The following ZC3H18 variants were observed in gnomAD, a reference collection of about 807,000 sequenced individuals.
The protein encoded by ZC3H18 is zinc finger CCCH domain-containing protein 18.
ZC3H18 carries 8 observed loss-of-function variants against 106.1 expected under a neutral mutation model. The observed-to-expected ratio is 0.08, with a 90% CI of 0.04 to 0.14. The LOEUF (loss-of-function observed/expected upper bound fraction) is 0.14. Among genes scored for constraint, ZC3H18 ranks in the 10% least tolerant of loss-of-function variants. The probability of loss-of-function intolerance (pLI) is 1.00; values close to 1 mark genes in which losing one functional copy is unlikely to be tolerated. For missense variants in ZC3H18, 1,318 were observed against 1,278.4 expected, an observed-to-expected ratio of 1.03 and a Z score of -0.47; for synonymous variants, 635 against 522.1, an observed-to-expected ratio of 1.22 and a Z score of -2.95.
At position 88,596,682 on chromosome 16, in the gene ZC3H18, T is replaced by C. The variant is rs1904456490; in HGVS notation, c.689-1496T>C. The stretch of plus-strand genomic sequence containing the variant: ...AAAAGGAAAAGGAGTACAGAAAAGC[T>C]GTGGTTTCTATTGTCAGCACTTTTC... On this transcript the variant is annotated intron_variant, in intron 3 of 17. Coordinates refer to ENST00000301011, the MANE Select transcript of ZC3H18 (RefSeq NM_144604.4). Among the ~76,000 whole-genome samples, 4 of 152,110 alleles carry C rather than the reference T, an allele frequency of 2.6e-5. No homozygotes were observed. In the South Asian group the frequency reaches 8.3e-4, roughly 31 times the overall value.
intron 1 of ZC3H18, among the ~76,000 whole-genome samples, chr16:88,572,789 A>C (rs972328918): frequency 6.6e-6 from 1 of 151,568 alleles, no homozygotes; most frequent in African/African-American, 2.4e-5. Context: ...ACGGAGTCTC[A>C]CTCTGCTACC....
intron 15 of ZC3H18, 42 bp downstream of exon 15, chr16:88,628,161 G>T: frequency 1.3e-6 from 2 of 1,598,534 alleles, no homozygotes; most frequent in Non-Finnish European, 1.7e-6. Flanking sequence ...CAGCGTCTAG[G>T]CCTGGGTCCA....
chr16:88,631,434 A>G lies in ZC3H18; in HGVS notation c.*135A>G. The G allele has an allele frequency of 1.6e-6, 2 of 1,243,700 alleles. No individual in the cohort carries two copies. Among genetic ancestry groups the G allele is most frequent in the Non-Finnish European group, 2.2e-6 (2 of 898,744 alleles). The allele number at this position is 1,243,700 out of a possible 1,614,324, so 77.0% of individuals were successfully genotyped here. The stretch of plus-strand genomic sequence containing the variant: ...AAAGAAAAAAAAGTTTCTCAGCTGG[A>G]AAAGAAGCCACACAGGAAATGACAA... On this transcript the variant is annotated 3_prime_UTR_variant, in exon 18 of 18. Coordinates refer to ENST00000301011, the MANE Select transcript of ZC3H18 (RefSeq NM_144604.4).
At chr16:88,598,486 C>A (rs984441724) in intron 4 of ZC3H18, 134 bp from the exon 5 acceptor site, 16 of 1,442,360 alleles carry the variant, frequency 1.1e-5, no homozygotes, top group Non-Finnish European at 1.5e-5. Flanking sequence ...TTTCCGAGGA[C>A]GGAGTGAGGC....
Position 88,627,622 on chromosome 16 carries a change from G to T in ZC3H18, c.2109G>T (p.Arg703Ser), listed in dbSNP as rs1423049115. 1 of 1,600,038 alleles carries T rather than the reference G, an allele frequency of 6.2e-7. No individual in the cohort carries two copies. ...TGGTGAGATGTGCTTGTGTGTCCAG[G>T]TCCCTGAGCGTGAGCAGCGTCTCCT... Reference protein sequence around the residue: ...SSYSGSSSRSRSLSVSSVSSV... With the variant: ...SSYSGSSSRSSSLSVSSVSSV... Residue 703 changes from arginine (R) to serine (S), a missense_variant and splice_region_variant, in exon 14 of 18, where the codon AGG (arginine) becomes AGT (serine). By Grantham distance (110) the Arg-to-Ser change is moderately radical (BLOSUM62 -1). Around this residue, in one of 6 missense-constraint regions of ZC3H18, gnomAD observed 848 missense variants for 821.7 expected, o/e 1.03. Coordinates refer to ENST00000301011, the MANE Select transcript of ZC3H18 (RefSeq NM_144604.4). The surrounding 1 kb of genome is among the most constrained non-coding windows in gnomAD (Gnocchi z 4.5).
rs1915451192 is a variant in ZC3H18, at chr16:88,586,636, A to G, written c.640A>G (p.Ser214Gly). Residue 214 changes from serine (S) to glycine (G), a missense_variant, in exon 3 of 18, where the codon AGT becomes GGT. By Grantham distance (56) the Ser-to-Gly change is moderately conservative. Around this residue, in one of 6 missense-constraint regions of ZC3H18, gnomAD observed 30 missense variants for 63.3 expected, o/e 0.47. Transcript: ENST00000301011. ...DLEEGEVKDP[S>G]DRKVRPRPTC... ...GGAAGAAGGTGAAGTGAAGGACCCC[A>G]GTGACAGGAAGGTGAGGCCTCGTCC... The G allele has an allele frequency of 3.1e-6, 5 of 1,614,198 alleles. No individual in the cohort carries two copies. The East Asian group carries it at 8.9e-5, about 29-fold the overall frequency.
intron 1 of ZC3H18, among the ~76,000 whole-genome samples, chr16:88,573,333 C>G (rs1419866341): frequency 1.3e-5 from 2 of 151,992 alleles, no homozygotes; most frequent in Non-Finnish European, 2.9e-5. Context: ...TAGGGTGTTA[C>G]TAATGTCGAT....
rs1011514054 is a variant in ZC3H18 at position 88,611,339 on chromosome 16, G to A, written c.1278G>A (p.Glu426=). The A allele has an allele frequency of 2.5e-6, 2 of 796,132 alleles. No homozygotes were observed. Among genetic ancestry groups the A allele is most frequent in the African/African-American group, 3.4e-5 (2 of 58,506 alleles). The allele number at this position is 796,132 out of a possible 1,614,324, so 49.3% of individuals were successfully genotyped here. A position where few individuals can be genotyped will look rare whatever the true frequency, so the allele number is the denominator to read the frequency against. The change falls in exon 8 of 18, where the codon GAG becomes GAA. Residue 426 remains glutamate, a synonymous_variant. Transcript: ENST00000301011. ...ERERERERDR[E]RERRQRERER... is the part of the protein sequence containing the mutation. ...AGCGGGAGCGGGAGCGGGACCGAGA[G>A]CGGGAGCGCCGGCAGAGGGAGCGCG...
intron 17 of ZC3H18, among the ~76,000 whole-genome samples, 163 bp downstream of exon 17, chr16:88,630,744 G>GCCCTAGCCC (rs1257539077): frequency 1.3e-5 from 1 of 76,464 alleles, no homozygotes; most frequent in East Asian, 4.0e-4. Context: ...GCGAATTGCA[G>GCCCTAGCCC]CCCCACCCCC....
intron 6 of ZC3H18, 35 bp downstream of exon 6, chr16:88,599,983 TCCTGCATGCGGC>T (rs757046166): frequency 2.5e-5 from 41 of 1,609,524 alleles, no homozygotes; most frequent in Non-Finnish European, 3.4e-5. Context: ...TCCGTTTCCT[TCCTGCATGCGGC>T]CACGCTCCGG....
chr16:88,626,672 C>T (rs1906328152), intron 13 of ZC3H18: 1 of 150,882 alleles, frequency 6.6e-6, no homozygotes, highest in Admixed American at 6.7e-5. Context: ...CTTAATAAGT[C>T]TGAAATGTTT....
At chr16:88,595,275 G>C (rs1396165261) in intron 3 of ZC3H18, among the ~76,000 whole-genome samples, 1 of 152,080 alleles carries the variant, frequency 6.6e-6, no homozygotes, top group Non-Finnish European at 1.5e-5. Context: ...CAGTGGAGGG[G>C]CCGCCTCCGC....
At chr16:88,596,984 G>A (rs1408705039) in intron 3 of ZC3H18, among the ~76,000 whole-genome samples, 13 of 152,102 alleles carry the variant, frequency 8.5e-5, no homozygotes, top group African/African-American at 3.1e-4. Context: ...GCAGTGGCAC[G>A]ATCTCGGCTC....
Position 88,623,272 on chromosome 16 carries a change from C to T in ZC3H18, c.1721C>T (p.Ser574Phe), listed in dbSNP as rs1906086460. The change falls in exon 10 of 18, where the codon TCC becomes TTC. Residue 574 changes from serine (S) to phenylalanine (F), a missense_variant. Ser to Phe is a radical substitution (Grantham distance 155). Transcript: ENST00000301011. Reference protein sequence around the residue: ...YSGSGSSRSRSRSSSYSSYSS... With the variant: ...YSGSGSSRSRFRSSSYSSYSS... ...GGCTCCGGCTCCTCCCGGTCGCGATCCCGGTCTTCATCCTACAGCTCCTAC... is the reference window on the plus strand; with the variant it reads ...GGCTCCGGCTCCTCCCGGTCGCGATTCCGGTCTTCATCCTACAGCTCCTAC... 1 of 1,613,792 alleles carries T rather than the reference C, an allele frequency of 6.2e-7. No homozygotes were observed. Among genetic ancestry groups the T allele is most frequent in the Non-Finnish European group, 8.5e-7 (1 of 1,179,996 alleles).
intron 8 of ZC3H18, among the ~76,000 whole-genome samples, chr16:88,618,809 C>G (rs1905781373): frequency 6.6e-6 from 1 of 152,198 alleles, no homozygotes; most frequent in Admixed American, 6.5e-5. Flanking sequence ...TGGAAGTGTT[C>G]ATGCAAATTC....
chr16:88,624,588 TC>T lies in ZC3H18; in HGVS notation c.1899-11del. 6.2e-7 allele frequency: 1 copy of T among 1,611,486 alleles called. No individual in the cohort carries two copies. Among genetic ancestry groups the T allele is most frequent in the Non-Finnish European group, 8.5e-7 (1 of 1,179,040 alleles). ...CCACCAGCCCTGCCCTGCTCGAGCC[TC>T]CCTGTCTCACAGAGAGAAGTCAGTG... is the stretch of plus-strand genomic sequence containing the variant. On this transcript the variant is annotated splice_polypyrimidine_tract_variant and intron_variant, in intron 11 of 17. Transcript: ENST00000301011.
chr16:88,622,125 G>A (rs1176335777), intron 8 of ZC3H18, 72 bp from the exon 9 acceptor site: 10 of 1,505,842 alleles, frequency 6.6e-6, no homozygotes, highest in Admixed American at 6.2e-5. Context: ...AGTCTCTCCC[G>A]CTGCTGTCAC....
chr16:88,610,243 GGTCA>G (rs1485997908), intron 7 of ZC3H18, among the ~76,000 whole-genome samples: 15 of 152,172 alleles, frequency 9.9e-5, no homozygotes, highest in Admixed American at 2.0e-4. Flanking sequence ...CCCAGGGAAG[GGTCA>G]GTTAGAAGCT....
intron 13 of ZC3H18, chr16:88,625,626 G>A (rs975463015): frequency 2.1e-5 from 6 of 289,746 alleles, no homozygotes; most frequent in Admixed American, 4.7e-5. Flanking sequence ...CTGGGCCTGC[G>A]TGACCTATCA....
Sources: allele counts gnomAD v4.1 joint callset (sites outside exome capture counted in the v4.1 genomes callset), GRCh38; gene constraint gnomAD v4.1.1; regional missense constraint gnomAD v4.1.1; non-coding constraint Gnocchi (gnomAD v3.1); transcripts MANE v1.5; gene names NCBI Gene and HGNC (gene_info 2026-07-23, HGNC 2026-07-21).